Variants in SLC25A26 observed in about 807,000 individuals in gnomAD.
SLC25A26 encodes the protein mitochondrial S-adenosylmethionine carrier protein.
In SLC25A26, 36 loss-of-function variants were observed where a neutral mutation model predicts 37.8. That is an observed-to-expected ratio of 0.95 (90% CI 0.73 to 1.26). The LOEUF is 1.26. Ranked by LOEUF, SLC25A26 falls within the 50% of genes most tolerant of loss-of-function variation. The pLI is 0.00. For missense variants in SLC25A26, 390 were observed against 331.1 expected, an observed-to-expected ratio of 1.18 and a Z score of -1.38; for synonymous variants, 129 against 122.5, an observed-to-expected ratio of 1.05 and a Z score of -0.35.
intron 1 of SLC25A26, among the ~76,000 whole-genome samples, chr3:66,175,171 T>TATATACAC (rs2070567765): frequency 6.8e-6 from 1 of 147,850 alleles, no homozygotes; most frequent in Non-Finnish European, 1.5e-5. Flanking sequence ...ATTATATGTA[T>TATATACAC]ATATACACAT....
intron 3 of SLC25A26, among the ~76,000 whole-genome samples, chr3:66,245,046 A>T (rs2072765089): frequency 1.3e-5 from 2 of 152,092 alleles, no homozygotes; most frequent in Admixed American, 6.5e-5. Context: ...CAGTACTGTA[A>T]GTGGTAAGTG....
At chr3:66,321,716 G>A (rs2075698669) in intron 5 of SLC25A26, among the ~76,000 whole-genome samples, 1 of 150,124 alleles carries the variant, frequency 6.7e-6, no homozygotes, top group African/African-American at 2.5e-5. Context: ...TTGGGGGGTT[G>A]TATCATGCTT....
At chr3:66,267,262 T>G (rs910069150) in intron 5 of SLC25A26, among the ~76,000 whole-genome samples, 3 of 152,134 alleles carry the variant, frequency 2.0e-5, no homozygotes, top group Non-Finnish European at 2.9e-5. Context: ...GTAGTTAAGG[T>G]TATAGGCAGA....
At chr3:66,375,810 T>C (rs1450905911) in intron 9 of SLC25A26, among the ~76,000 whole-genome samples, 1 of 152,034 alleles carries the variant, frequency 6.6e-6, no homozygotes, top group Non-Finnish European at 1.5e-5. Context: ...CCTTAGCCTG[T>C]GGATCAAGGA....
At chr3:66,209,912 A>C (rs1201930701) in intron 1 of SLC25A26, among the ~76,000 whole-genome samples, 2 of 28,826 alleles carry the variant, frequency 6.9e-5, no homozygotes, top group African/African-American at 2.4e-4. Context: ...ATATATATAT[A>C]TATATATATA....
chr3:66,280,518 A>G (rs1020874034), intron 5 of SLC25A26, among the ~76,000 whole-genome samples: 6 of 152,236 alleles, frequency 3.9e-5, no homozygotes, highest in African/African-American at 1.2e-4. Context: ...CTTGATCTAC[A>G]TAAAGCACGA....
At chr3:66,136,938 T>C (rs2069955192) in intron 1 of SLC25A26, among the ~76,000 whole-genome samples, 1 of 152,210 alleles carries the variant, frequency 6.6e-6, no homozygotes. Context: ...AACAATAGTA[T>C]ATAAATTTTT....
At chr3:66,241,573 A>G (rs1156533346) in intron 2 of SLC25A26, among the ~76,000 whole-genome samples, 1 of 152,166 alleles carries the variant, frequency 6.6e-6, no homozygotes, top group African/African-American at 2.4e-5. Flanking sequence ...AATTATTAGT[A>G]TTATTTTTGC....
intron 5 of SLC25A26, among the ~76,000 whole-genome samples, chr3:66,344,527 G>A (rs2076277441): frequency 6.6e-6 from 1 of 151,760 alleles, no homozygotes; most frequent in Non-Finnish European, 1.5e-5. Flanking sequence ...TAATTCCTCT[G>A]AAACTGGGAC....
At chr3:66,247,732 C>T (rs782095347) in intron 3 of SLC25A26, among the ~76,000 whole-genome samples, 27 of 152,182 alleles carry the variant, frequency 1.8e-4, no homozygotes, top group African/African-American at 6.3e-4. Context: ...TCTTAAACTT[C>T]CTGAAGCCAT....
intron 1 of SLC25A26, among the ~76,000 whole-genome samples, chr3:66,206,327 C>G (rs1386786223): frequency 1.3e-5 from 2 of 152,152 alleles, no homozygotes; most frequent in African/African-American, 4.8e-5. Context: ...TTGGAACCAA[C>G]AAACTTCATA....
chr3:66,170,495 G>C (rs1371973142), intron 1 of SLC25A26, among the ~76,000 whole-genome samples: 2 of 152,132 alleles, frequency 1.3e-5, no homozygotes, highest in Non-Finnish European at 2.9e-5. Context: ...AGAGCGCATG[G>C]TACTATATGC....
intron 1 of SLC25A26, among the ~76,000 whole-genome samples, chr3:66,138,385 C>G (rs1487162654): frequency 6.6e-6 from 1 of 152,128 alleles, no homozygotes; most frequent in Non-Finnish European, 1.5e-5. Context: ...ATAAATTTCT[C>G]TTTTTTTCTA....
At chr3:66,229,019 T>C (rs1553662068) in intron 1 of SLC25A26, among the ~76,000 whole-genome samples, 1 of 152,184 alleles carries the variant, frequency 6.6e-6, no homozygotes, top group African/African-American at 2.4e-5. Context: ...GTCAGTTGAG[T>C]TGAATATAGG....
At chr3:66,319,625 A>G (rs2075637416) in intron 5 of SLC25A26, among the ~76,000 whole-genome samples, 1 of 152,036 alleles carries the variant, frequency 6.6e-6, no homozygotes, top group African/African-American at 2.4e-5. Flanking sequence ...CTAATCTTCC[A>G]TTAGCTGTTT....
chr3:66,221,887 A>T lies in SLC25A26; in HGVS notation c.33+760A>T, dbSNP rs1201340689. Among the ~76,000 whole-genome samples the T allele has an allele frequency of 2.6e-5, 4 of 151,754 alleles. No individual in the cohort carries two copies. The East Asian group carries it at 5.8e-4, about 22-fold the overall frequency. On this transcript the variant is annotated intron_variant, in intron 1 of 9. Transcript: ENST00000354883. ...ACAAATAATTTTTAAAATGATTTTC[A>T]TAGGGAAAATGGAGGCCCACAGTGA...
chr3:66,302,883 G>A (rs1233660675), intron 5 of SLC25A26, among the ~76,000 whole-genome samples: 1 of 152,178 alleles, frequency 6.6e-6, no homozygotes, highest in African/African-American at 2.4e-5. Context: ...CACGCCATGT[G>A]TTCAGTGTCT....
intron 1 of SLC25A26, among the ~76,000 whole-genome samples, chr3:66,139,534 G>A (rs141574151): frequency 2.0e-5 from 3 of 152,052 alleles, no homozygotes; most frequent in East Asian, 1.9e-4. Flanking sequence ...CATTTCTTTC[G>A]CGGTCATTAG....
At chr3:66,262,649 T>C (rs986457446) in intron 4 of SLC25A26, among the ~76,000 whole-genome samples, 8 of 152,216 alleles carry the variant, frequency 5.3e-5, no homozygotes, top group African/African-American at 9.6e-5. Flanking sequence ...ATAGTTTTTA[T>C]GGAAGCCTTT....
Sources: allele counts gnomAD v4.1 joint callset (sites outside exome capture counted in the v4.1 genomes callset), GRCh38; gene constraint gnomAD v4.1.1; transcripts MANE v1.5; gene names NCBI Gene and HGNC (gene_info 2026-07-23, HGNC 2026-07-21).